The following SEMA4D variants were observed in gnomAD, a reference collection of about 807,000 sequenced individuals.
The protein encoded by SEMA4D is semaphorin-4D.
Under a neutral mutation model 74.8 loss-of-function variants are expected in SEMA4D, and 22 were observed. The ratio of observed to expected loss-of-function variants is 0.29; its 90% CI spans 0.21 to 0.42. SEMA4D has a LOEUF of 0.42. SEMA4D is among the 10% of genes least tolerant of loss of function. The pLI, the probability that SEMA4D is intolerant of heterozygous loss-of-function variation, is 1.00. For missense variants in SEMA4D, 937 were observed against 1,118.4 expected, an observed-to-expected ratio of 0.84 and a Z score of 2.31; for synonymous variants, 445 against 463.7, an observed-to-expected ratio of 0.96 and a Z score of 0.52.
chr9:89,484,650 G>T lies in SEMA4D; in HGVS notation c.-310+13269C>A, dbSNP rs1265330697. Among the ~76,000 whole-genome samples the T allele has an allele frequency of 6.6e-6, 1 of 151,650 alleles. No individual in the cohort carries two copies. The highest frequency in any genetic ancestry group is 1.5e-5 in the Non-Finnish European group (1 of 67,902). On this transcript the variant is annotated intron_variant, in intron 1 of 15. Coordinates refer to ENST00000422704, the MANE Select transcript of SEMA4D (RefSeq NM_001371194.2). The surrounding 1 kb of genome is among the most constrained non-coding windows in gnomAD (Gnocchi z 4.1). ...TATGTATGCAGTATATATGTAGTGT[G>T]TGTGTGGTGTGGTGTGTGTATGTAG...
chr9:89,449,922 G>C, intron 2 of SEMA4D: 1 of 1,453,524 alleles, frequency 6.9e-7, no homozygotes, highest in Non-Finnish European at 9.6e-7. Context: ...CACTAATGTA[G>C]CTCGTACTTT....
At chr9:89,396,038 G>A (rs539123293) in intron 6 of SEMA4D, among the ~76,000 whole-genome samples, 22 of 152,234 alleles carry the variant, frequency 1.4e-4, no homozygotes, top group African/African-American at 5.1e-4. Context: ...AGATTATCTG[G>A]ATAGAAAGGA....
chr9:89,399,506 C>A (rs1344062408), intron 4 of SEMA4D, among the ~76,000 whole-genome samples, 168 bp from the exon 5 acceptor site: 3 of 152,184 alleles, frequency 2.0e-5, no homozygotes, highest in African/African-American at 7.2e-5. Context: ...CAGCCTGGGG[C>A]CTTCATGAAC....
Position 89,455,504 on chromosome 9 carries a change from A to C in SEMA4D, c.-244+384T>G, listed in dbSNP as rs529921471. On this transcript the variant is annotated intron_variant, in intron 2 of 15. Transcript: ENST00000422704. ...TGAACTCCTAGGCGCACCAGTCCTC[A>C]GGGGACAGTCCAGGCAGGGGCACCT... is the stretch of plus-strand genomic sequence containing the variant. Among the ~76,000 whole-genome samples the C allele has an allele frequency of 3.9e-5, 6 of 152,284 alleles. No individual in the cohort carries two copies. The South Asian group carries it at 1.0e-3, about 26-fold the overall frequency.
chr9:89,396,399 C>G lies in SEMA4D; in HGVS notation c.414+338G>C, dbSNP rs1840968053. Among the ~76,000 whole-genome samples, 4 of 152,204 alleles carry G rather than the reference C, an allele frequency of 2.6e-5. No individual in the cohort carries two copies. In the South Asian group the frequency reaches 8.3e-4, roughly 32 times the overall value. ...CTACCTGTCCTTCCCAGCACATCCC[C>G]AATGCCATGTTCAGGCTGTCTGTAC... On this transcript the variant is annotated intron_variant, in intron 6 of 15. Coordinates refer to ENST00000422704, the MANE Select transcript of SEMA4D (RefSeq NM_001371194.2).
chr9:89,471,060 G>T (rs899582530), intron 1 of SEMA4D, among the ~76,000 whole-genome samples: 4 of 152,106 alleles, frequency 2.6e-5, no homozygotes, highest in African/African-American at 9.7e-5. Context: ...TAAAGGAAAA[G>T]GAAAAACAAA....
At chr9:89,448,875 G>C (rs1853626713) in intron 2 of SEMA4D, among the ~76,000 whole-genome samples, 1 of 152,198 alleles carries the variant, frequency 6.6e-6, no homozygotes, top group Non-Finnish European at 1.5e-5. Flanking sequence ...GGACCCCAGG[G>C]GTGGCCAAAG....
At chr9:89,448,191 G>A (rs1382891377) in intron 2 of SEMA4D, among the ~76,000 whole-genome samples, 1 of 152,088 alleles carries the variant, frequency 6.6e-6, no homozygotes, top group Non-Finnish European at 1.5e-5. Context: ...GCCCAGGCTG[G>A]TCTCAAACTC....
chr9:89,375,322 CA>C (rs1354802202), downstream of SEMA4D, among the ~76,000 whole-genome samples: 1 of 152,200 alleles, frequency 6.6e-6, no homozygotes, highest in Non-Finnish European at 1.5e-5. Context: ...AGAGCGGCCA[CA>C]GGGGGCTCAG....
At chr9:89,386,680 A>C (rs933259834) in intron 12 of SEMA4D, 198 bp from the exon 13 acceptor site, 1 of 521,552 alleles carries the variant, frequency 1.9e-6, no homozygotes, top group Non-Finnish European at 3.4e-6. Context: ...CCCAAGTGTT[A>C]TGGGTTATTC....
At position 89,381,157 on chromosome 9, in the gene SEMA4D, C is replaced by T. The variant is rs747545491; in HGVS notation, c.1619+17G>A. ...ACACATGGGGGACATCCCCAGGCAG[C>T]GCATCCCGCCCCATACCTGCTGGGG... On this transcript the variant is annotated intron_variant, in intron 14 of 15. Coordinates refer to ENST00000422704, the MANE Select transcript of SEMA4D (RefSeq NM_001371194.2). This position sits in a 1 kb window ranked among gnomAD's most constrained non-coding sequence, Gnocchi z 4.6. 2.0e-5 allele frequency: 32 copies of T among 1,614,014 alleles called. No individual in the cohort carries two copies. The highest frequency in any genetic ancestry group is 5.0e-5 in the Admixed American group (3 of 60,008).
chr9:89,416,400 A>G (rs1845712519), intron 2 of SEMA4D, among the ~76,000 whole-genome samples: 1 of 152,212 alleles, frequency 6.6e-6, no homozygotes, highest in Non-Finnish European at 1.5e-5. Flanking sequence ...TACAAAGACT[A>G]AAGCTGGTCT....
intron 2 of SEMA4D, among the ~76,000 whole-genome samples, chr9:89,425,617 C>A (rs1445208123): frequency 1.3e-5 from 2 of 152,224 alleles, no homozygotes; most frequent in Non-Finnish European, 2.9e-5. Context: ...GGACAGCCTA[C>A]AAGCCCGCTG....
chr9:89,475,795 G>C (rs1485972028), intron 1 of SEMA4D, among the ~76,000 whole-genome samples: 2 of 152,152 alleles, frequency 1.3e-5, no homozygotes, highest in East Asian at 3.9e-4. Flanking sequence ...CAGAGAGCGG[G>C]AAACAATGAT....
At chr9:89,405,872 A>G in intron 2 of SEMA4D, 173 bp from the exon 3 acceptor site, 11 of 1,233,782 alleles carry the variant, frequency 8.9e-6, no homozygotes, top group Non-Finnish European at 1.1e-5. Context: ...CAACGGACAC[A>G]GGAAAGCGAA....
intron 1 of SEMA4D, among the ~76,000 whole-genome samples, chr9:89,493,262 T>G (rs1182044907): frequency 6.6e-6 from 1 of 152,100 alleles, no homozygotes; most frequent in Non-Finnish European, 1.5e-5. Flanking sequence ...ACAGGATAAG[T>G]GTGATCCAGA....
chr9:89,480,340 G>A (rs1238688614), intron 1 of SEMA4D, among the ~76,000 whole-genome samples: 2 of 152,294 alleles, frequency 1.3e-5, no homozygotes, highest in East Asian at 3.8e-4. Flanking sequence ...AGACTCAGGA[G>A]CCCAGCTGGT....
At chr9:89,435,117 G>A (rs1220640357) in intron 2 of SEMA4D, among the ~76,000 whole-genome samples, 2 of 152,186 alleles carry the variant, frequency 1.3e-5, no homozygotes, top group Non-Finnish European at 2.9e-5. Flanking sequence ...GCCAAGGCGG[G>A]GAGTGCACGG....
At chr9:89,382,998 G>A (rs1209524062) in intron 13 of SEMA4D, among the ~76,000 whole-genome samples, 5 of 152,228 alleles carry the variant, frequency 3.3e-5, no homozygotes, top group African/African-American at 1.2e-4. Flanking sequence ...ATGGGGCTGG[G>A]CTGCAGCCCA....
Sources: allele counts gnomAD v4.1 joint callset (sites outside exome capture counted in the v4.1 genomes callset), GRCh38; gene constraint gnomAD v4.1.1; non-coding constraint Gnocchi (gnomAD v3.1); transcripts MANE v1.5; gene names NCBI Gene and HGNC (gene_info 2026-07-23, HGNC 2026-07-21).